RGPD1: variants seen among roughly 807,000 people sequenced by gnomAD.
The protein encoded by RGPD1 is RANBP2 like and GRIP domain containing 1.
A neutral mutation model predicts 40.6 loss-of-function variants in RGPD1; 7 were observed. The observed-to-expected ratio is 0.17, with a 90% CI of 0.10 to 0.32. The LOEUF (loss-of-function observed/expected upper bound fraction) is 0.32. Among genes scored for constraint, RGPD1 ranks in the 10% least tolerant of loss-of-function variants. RGPD1 has a pLI of 1.00. For missense variants in RGPD1, 50 were observed against 472.5 expected (o/e 0.11, Z 8.29); for synonymous variants, 24 against 167.0 (o/e 0.14, Z 6.60).
chr2:86,939,398 G>A (rs1487930732), upstream of RGPD1, among the ~76,000 whole-genome samples: 4 of 150,060 alleles, frequency 2.7e-5, no homozygotes, highest in Non-Finnish European at 5.9e-5. Context: ...GTCCAACATG[G>A]TGAAACCCCG....
At chr2:86,926,455 A>T (rs1428967664) in intron 1 of RGPD1, among the ~76,000 whole-genome samples, 3 of 151,472 alleles carry the variant, frequency 2.0e-5, no homozygotes, top group African/African-American at 7.3e-5. Context: ...GTGAGTCTCA[A>T]AGAGTCTTTA....
chr2:86,919,447 A>G (rs1677976064), intron 1 of RGPD1, among the ~76,000 whole-genome samples: 1 of 139,698 alleles, frequency 7.2e-6, no homozygotes, highest in East Asian at 2.0e-4. Flanking sequence ...CATGTCACTC[A>G]GAGTAAAGGC....
intron 1 of RGPD1, among the ~76,000 whole-genome samples, chr2:86,919,381 T>G (rs964555364): frequency 1.4e-5 from 2 of 147,862 alleles, no homozygotes; most frequent in Admixed American, 6.7e-5. Flanking sequence ...TAATCCTGTT[T>G]GATAACGTCA....
chr2:87,007,190 TTTGTTG>T (rs201108203), intron 22 of RGPD1, among the ~76,000 whole-genome samples: 736 of 69,178 alleles, frequency 0.011, no homozygotes, highest in Non-Finnish European at 0.014. Flanking sequence ...TTAATTTGTT[TTTGTTG>T]TTGTTGTTGT....
upstream of RGPD1, among the ~76,000 whole-genome samples, chr2:86,941,527 G>C (rs1325859241): frequency 2.0e-5 from 3 of 148,568 alleles, no homozygotes; most frequent in Admixed American, 2.0e-4. Context: ...CTACCGGCTT[G>C]AGCCACTGTG....
intron 1 of RGPD1, among the ~76,000 whole-genome samples, chr2:86,935,908 A>G (rs1171249955): frequency 1.4e-5 from 2 of 147,386 alleles, no homozygotes; most frequent in Admixed American, 1.4e-4. Context: ...AATTTTCTAG[A>G]TTAATGTTCA....
upstream of RGPD1, among the ~76,000 whole-genome samples, chr2:86,941,657 G>A (rs554190998): frequency 5.9e-5 from 9 of 151,482 alleles, no homozygotes; most frequent in Non-Finnish European, 7.4e-5. Flanking sequence ...CATATAGAGA[G>A]GTCTGACTTT....
intron 1 of RGPD1, chr2:86,930,391 A>C: frequency 7.5e-7 from 1 of 1,331,030 alleles, no homozygotes; most frequent in Non-Finnish European, 1.1e-6. Context: ...GGGGGCTTGA[A>C]GGTGCTGAGG....
In RGPD1 at chr2:86,913,828, C is replaced by G. The variant is rs544949230; in HGVS notation, c.-22C>G. ...GGCTGAGCGCTGGTTTCACGCGTCT[C>G]GGGAGCCAGGTTGGCGGTGCGATGA... On this transcript the variant is annotated 5_prime_UTR_variant, in exon 1 of 23. Coordinates refer to the RGPD1 transcript ENST00000398193. The G allele has an allele frequency of 9.0e-6, 14 of 1,561,370 alleles. No homozygotes were observed. In the East Asian group the frequency reaches 1.7e-4, roughly 19 times the overall value.
chr2:86,931,840 C>T (rs1678989687), intron 1 of RGPD1, among the ~76,000 whole-genome samples: 1 of 148,664 alleles, frequency 6.7e-6, no homozygotes. Flanking sequence ...CCTCATGATA[C>T]TCAATATTTT....
At chr2:86,945,789 AT>A (rs1680307219) in intron 1 of RGPD1, among the ~76,000 whole-genome samples, 1 of 146,814 alleles carries the variant, frequency 6.8e-6, no homozygotes, top group Non-Finnish European at 1.5e-5. Flanking sequence ...AGACAGGAGA[AT>A]TGCTTGAACC....
At chr2:86,914,880 CGG>C (rs1185636036) in intron 1 of RGPD1, among the ~76,000 whole-genome samples, 1 of 29,516 alleles carries the variant, frequency 3.4e-5, no homozygotes, top group African/African-American at 1.6e-4. Context: ...GCGGCGGCGG[CGG>C]CGGCCTCGAC....
At chr2:86,944,199 A>C (rs1334476451) in intron 1 of RGPD1, among the ~76,000 whole-genome samples, 1 of 152,100 alleles carries the variant, frequency 6.6e-6, no homozygotes, top group Non-Finnish European at 1.5e-5. Flanking sequence ...GTGCAGCAGA[A>C]TTTTGGCAGT....
chr2:86,932,909 CTTATT>C (rs1315221066), intron 1 of RGPD1, among the ~76,000 whole-genome samples: 2 of 126,788 alleles, frequency 1.6e-5, no homozygotes, highest in African/African-American at 3.0e-5. Context: ...TATTAGTAAT[CTTATT>C]TTAAGAGTAG....
At position 86,956,840 on chromosome 2, in the gene RGPD1, A is replaced by G. The variant is rs986539644; in HGVS notation, c.403-866A>G. Among the ~76,000 whole-genome samples, 2 of 101,500 alleles carry G rather than the reference A, an allele frequency of 2.0e-5. 1 individual carries two copies. Among genetic ancestry groups the G allele is most frequent in the Non-Finnish European group, 3.7e-5 (2 of 54,264 alleles). 66.6% of individuals were successfully genotyped at this position (101,500 alleles called of 152,430 possible). ...TTGAAGGGAACTTGTCATGTGGTGG[A>G]GAAGTATATTTCTGAAAGTAAGGGT... On this transcript the variant is annotated intron_variant, in intron 4 of 22. Transcript: ENST00000641458.
intron 1 of RGPD1, among the ~76,000 whole-genome samples, chr2:86,934,030 T>TA (rs1473012748): frequency 7.8e-6 from 1 of 127,480 alleles, no homozygotes; most frequent in East Asian, 2.3e-4. Context: ...GTGCTGGAAT[T>TA]ACAGGCGTGA....
At chr2:86,919,924 C>T (rs1177107106) in intron 1 of RGPD1, among the ~76,000 whole-genome samples, 3 of 146,398 alleles carry the variant, frequency 2.0e-5, no homozygotes, top group Non-Finnish European at 4.5e-5. Context: ...GAAGGATACT[C>T]AGTGAACATT....
chr2:86,941,959 G>A (rs1480837785), upstream of RGPD1, among the ~76,000 whole-genome samples: 1 of 151,900 alleles, frequency 6.6e-6, no homozygotes, highest in Admixed American at 6.6e-5. Flanking sequence ...TGATCCGCCC[G>A]CCTCGGCCTC....
At position 86,942,236 on chromosome 2, in the gene RGPD1, G is replaced by A; in HGVS notation, c.-1G>A. 6.2e-7 allele frequency: 1 copy of A among 1,604,752 alleles called. No individual in the cohort carries two copies. Among genetic ancestry groups the A allele is most frequent in the Non-Finnish European group, 8.5e-7 (1 of 1,176,744 alleles). On this transcript the variant is annotated 5_prime_UTR_variant, in exon 1 of 23. Coordinates refer to ENST00000641458, the MANE Select transcript of RGPD1 (RefSeq NM_001382344.1). ...GTCTCGGGAGCCAGGTTGGCGGTGC[G>A]ATGAGGCGCAGCAAGGCCTACGGGG...
Sources: allele counts gnomAD v4.1 joint callset (sites outside exome capture counted in the v4.1 genomes callset), GRCh38; gene constraint gnomAD v4.1.1; transcripts MANE v1.5; gene names NCBI Gene and HGNC (gene_info 2026-07-23, HGNC 2026-07-21).